RASL12: variants seen among roughly 807,000 people sequenced by gnomAD.
The protein encoded by RASL12 is ras-like protein family member 12.
In RASL12, 16 loss-of-function variants were observed where a neutral mutation model predicts 22.9. The ratio of observed to expected loss-of-function variants is 0.70; its 90% confidence interval spans 0.47 to 1.06. The LOEUF is 1.06. Ranked by LOEUF, RASL12 falls within the 50% of genes least tolerant of loss-of-function variation. The pLI is 0.00. For synonymous variants in RASL12, 159 were observed against 152.2 expected, an observed-to-expected ratio of 1.04 and a Z score of -0.33; for missense variants, 306 against 353.1, an observed-to-expected ratio of 0.87 and a Z score of 1.07.
At chr15:65,055,638 C>A (rs541416757) in intron 4 of RASL12, among the ~76,000 whole-genome samples, 1 of 152,252 alleles carries the variant, frequency 6.6e-6, no homozygotes, top group South Asian at 2.1e-4. Flanking sequence ...CCATTCCCAG[C>A]CCCATCTCTT....
chr15:65,050,152 G>T, downstream of RASL12: 1 of 1,466,318 alleles, frequency 6.8e-7, no homozygotes, highest in South Asian at 1.2e-5. Flanking sequence ...CCTCAACACA[G>T]AGCAGAGTTT....
upstream of RASL12, among the ~76,000 whole-genome samples, chr15:65,071,420 C>G (rs1203719972): frequency 6.6e-6 from 1 of 152,148 alleles, no homozygotes; most frequent in Non-Finnish European, 1.5e-5. Flanking sequence ...GAGGGACACT[C>G]AGTGTCCAGG....
At chr15:65,074,738 G>A (rs1329548186) in intron 1 of RASL12, among the ~76,000 whole-genome samples, 1 of 152,208 alleles carries the variant, frequency 6.6e-6, no homozygotes, top group African/African-American at 2.4e-5. Context: ...TAGGACATTC[G>A]CACGAGGGCA....
In RASL12 at chr15:65,053,395, G is replaced by A; in HGVS notation, c.*1504C>T. On this transcript the variant is annotated 3_prime_UTR_variant, in exon 5 of 5. Coordinates refer to ENST00000220062, the MANE Select transcript of RASL12 (RefSeq NM_016563.4). The stretch of plus-strand genomic sequence containing the variant: ...CTCCTGGAAGGGAGCAGGTGGTATT[G>A]CATAGTTTGTTCAGATGGCAGTGGT... 7.4e-7 allele frequency: 1 copy of A among 1,350,138 alleles called. No individual in the cohort carries two copies. The highest frequency in any genetic ancestry group is 9.5e-7 in the Non-Finnish European group (1 of 1,053,094). 83.6% of individuals were successfully genotyped at this position (1,350,138 alleles called of 1,614,324 possible).
At chr15:65,059,535 G>T in intron 2 of RASL12, 117 bp from the exon 3 acceptor site, 1 of 759,968 alleles carries the variant, frequency 1.3e-6, no homozygotes, top group South Asian at 1.6e-5. Flanking sequence ...TCTGGGGCTG[G>T]GACCACTGGA....
intron 1 of RASL12, chr15:65,076,479 T>G (rs1380285719): frequency 4.6e-6 from 3 of 657,676 alleles, no homozygotes; most frequent in Non-Finnish European, 8.2e-6. Context: ...CATCTGAACA[T>G]CAGAAAGGAC....
chr15:65,074,116 CTCAGAG>C (rs1436527108), intron 1 of RASL12, among the ~76,000 whole-genome samples: 1 of 137,444 alleles, frequency 7.3e-6, no homozygotes, highest in Non-Finnish European at 1.5e-5. Flanking sequence ...ATTGGACTGG[CTCAGAG>C]TCAGAGTCAG....
chr15:65,053,079 C>T, downstream of RASL12: 2 of 1,614,132 alleles, frequency 1.2e-6, no homozygotes, highest in Non-Finnish European at 1.7e-6. Context: ...TCAGAAAAGC[C>T]AAACTTGGCC....
At position 65,054,865 on chromosome 15, in the gene RASL12, A is replaced by G. The variant is rs745476516; in HGVS notation, c.*34T>C. The G allele has an allele frequency of 6.3e-6, 10 of 1,583,530 alleles. No homozygotes were observed. The South Asian group carries it at 1.0e-4, about 16-fold the overall frequency. ...TCCCTGTCCTGCTGCAGTCCTGTCC[A>G]GCCACCGAGCCTAGGCTTCCTGGGG... On this transcript the variant is annotated 3_prime_UTR_variant, in exon 5 of 5. Coordinates refer to ENST00000220062, the MANE Select transcript of RASL12 (RefSeq NM_016563.4).
At chr15:65,055,406 C>A in intron 4 of RASL12, 132 bp from the exon 5 acceptor site, 1 of 740,394 alleles carries the variant, frequency 1.4e-6, no homozygotes, top group Non-Finnish European at 2.1e-6. Flanking sequence ...TGAGTCTCAG[C>A]GTTCTTATCA....
upstream of RASL12, among the ~76,000 whole-genome samples, chr15:65,072,783 G>A (rs1287776979): frequency 6.6e-6 from 1 of 152,140 alleles, no homozygotes; most frequent in Non-Finnish European, 1.5e-5. Flanking sequence ...TGAGAGGATT[G>A]AACCATATGA....
chr15:65,049,829 G>T, downstream of RASL12: 1 of 490,488 alleles, frequency 2.0e-6, no homozygotes, highest in Non-Finnish European at 3.6e-6. Context: ...GAGGAGATCT[G>T]GATTTGGGCA....
Position 65,054,561 on chromosome 15 carries a change from A to G in RASL12, c.*338T>C. 9.1e-7 allele frequency: 1 copy of G among 1,092,898 alleles called. No individual in the cohort carries two copies. Among genetic ancestry groups the G allele is most frequent in the Non-Finnish European group, 1.1e-6 (1 of 896,754 alleles). 67.7% of individuals were successfully genotyped at this position (1,092,898 alleles called of 1,614,324 possible). A position where few individuals can be genotyped will look rare whatever the true frequency, so the allele number is the denominator to read the frequency against. ...ATCCACTAAGGCCACAGCTGGCCCA[A>G]CTGTAGCTGGAGCAGGAAGGGCTGA... On this transcript the variant is annotated 3_prime_UTR_variant, in exon 5 of 5. Transcript: ENST00000220062.
In RASL12 at chr15:65,058,568, A is replaced by G. The variant is rs1464401460; in HGVS notation, c.284T>C (p.Leu95Pro). 2 of 1,605,736 alleles carry G rather than the reference A, an allele frequency of 1.2e-6. No homozygotes were observed. The highest frequency in any genetic ancestry group is 1.7e-6 in the Non-Finnish European group (2 of 1,174,334). ...ERYLNWAHAF[L>P]VVYSVDSRQS... ...GCGGCTGTCGACGCTGTACACCACC[A>G]GGAAGGCATGGGCCCAGTTCAGGTA... Residue 95 changes from leucine (L) to proline (P), a missense_variant, in exon 4 of 5, where the codon CTG (leucine) becomes CCG (proline). Leu to Pro is a moderately conservative substitution (Grantham distance 98, BLOSUM62 -3). Coordinates refer to ENST00000220062, the MANE Select transcript of RASL12 (RefSeq NM_016563.4).
chr15:65,058,070 A>G (rs1595904775), intron 4 of RASL12, among the ~76,000 whole-genome samples: 2 of 152,132 alleles, frequency 1.3e-5, no homozygotes, highest in African/African-American at 4.8e-5. Context: ...GGAGTTCAAG[A>G]CCAGCCTGGC....
downstream of RASL12, among the ~76,000 whole-genome samples, chr15:65,052,587 G>A (rs1031488157): frequency 6.6e-6 from 1 of 151,902 alleles, no homozygotes; most frequent in Non-Finnish European, 1.5e-5. Context: ...AGTAGAGATG[G>A]GGTTTTGCCA....
chr15:65,049,348 A>G (rs1276942673), downstream of RASL12: 1 of 152,056 alleles, frequency 6.6e-6, no homozygotes, highest in Admixed American at 6.6e-5. Flanking sequence ...GAAAAAGAAA[A>G]AAAAAGCTCT....
At chr15:65,068,215 G>C, upstream of RASL12, 1 of 991,668 alleles carries the variant, frequency 1.0e-6, no homozygotes, top group Non-Finnish European at 1.2e-6. This position sits in a 1 kb window ranked among gnomAD's most constrained non-coding sequence, Gnocchi z 4.2. Flanking sequence ...GGAAGGAGCA[G>C]AGAAGGAGCC....
In RASL12 at chr15:65,054,276, T is replaced by C. The variant is rs902555479; in HGVS notation, c.*623A>G. 3.0e-6 allele frequency: 3 copies of C among 985,796 alleles called. No homozygotes were observed. The highest frequency in any genetic ancestry group is 9.4e-5 in the South Asian group (2 of 21,298). 61.1% of individuals were successfully genotyped at this position (985,796 alleles called of 1,614,324 possible). On this transcript the variant is annotated 3_prime_UTR_variant, in exon 5 of 5. Transcript: ENST00000220062. Reference sequence around the variant, plus strand: ...CTACAGTCCCTCCCTTTTATCCTCATTGAGACGCCAAGTGTTGGAAATACC... The same window carrying C: ...CTACAGTCCCTCCCTTTTATCCTCACTGAGACGCCAAGTGTTGGAAATACC...
Sources: gnomAD v4.1 joint callset for allele counts (sites outside exome capture counted in the v4.1 genomes callset) on GRCh38, gnomAD v4.1.1 for gene constraint, Gnocchi (gnomAD v3.1) non-coding constraint, MANE v1.5 for transcripts, NCBI Gene and HGNC (gene_info 2026-07-23, HGNC 2026-07-21) for gene names.